Variants in TLR6 observed in about 807,000 individuals in gnomAD.
TLR6 encodes the protein toll-like receptor 6.
Under a neutral mutation model 16.1 loss-of-function variants are expected in TLR6, and 9 were observed. That is an observed-to-expected ratio of 0.56 (90% CI 0.34 to 0.98). TLR6 has a LOEUF of 0.98. Ranked by LOEUF, TLR6 falls within the 50% of genes least tolerant of loss-of-function variation. The pLI, the probability that TLR6 is intolerant of heterozygous loss-of-function variation, is 0.02. For missense variants in TLR6, 786 were observed against 921.0 expected (o/e 0.85, Z 1.90); for synonymous variants, 340 against 338.6 (o/e 1.00, Z -0.04).
chr4:38,843,166 A>G (rs181784609), intron 1 of TLR6, among the ~76,000 whole-genome samples: 1 of 152,332 alleles, frequency 6.6e-6, no homozygotes, highest in East Asian at 1.9e-4. Context: ...CAAGAAAAGA[A>G]TACTTGACTG....
intron 1 of TLR6, among the ~76,000 whole-genome samples, chr4:38,838,731 A>G (rs1307660924): frequency 6.6e-6 from 1 of 152,134 alleles, no homozygotes; most frequent in Non-Finnish European, 1.5e-5. Context: ...CAGCTAGAAG[A>G]GAAGATCTGA....
chr4:38,828,470 A>G, exon 2 of TLR6: 2 of 1,614,180 alleles, frequency 1.2e-6, no homozygotes, highest in Non-Finnish European at 1.7e-6. Flanking sequence ...AATGGTTAAC[A>G]TCATAATGTT....
upstream of TLR6, among the ~76,000 whole-genome samples, chr4:38,860,084 A>G (rs1713162826): frequency 7.0e-6 from 1 of 143,124 alleles, no homozygotes; most frequent in African/African-American, 2.9e-5. Context: ...ATAATAAATA[A>G]ATAAATAAAT....
chr4:38,866,432 G>T, the TLR6 span, among the ~76,000 whole-genome samples: 3 of 151,890 alleles, frequency 2.0e-5, no homozygotes, highest in Non-Finnish European at 4.4e-5. Context: ...AGCAGAGGCT[G>T]CAGTGAGCTG....
At chr4:38,831,249 A>T (rs1044389656) in intron 1 of TLR6, among the ~76,000 whole-genome samples, 1 of 151,598 alleles carries the variant, frequency 6.6e-6, no homozygotes, top group Non-Finnish European at 1.5e-5. Flanking sequence ...GAGAATGGAT[A>T]GTCTTTTCAA....
chr4:38,858,541 G>A (rs184766761), upstream of TLR6, among the ~76,000 whole-genome samples: 278 of 152,010 alleles, frequency 1.8e-3, 2 homozygotes, highest in Middle Eastern at 0.017. Context: ...CTAACATGGC[G>A]AAACCCTGTC....
intron 1 of TLR6, among the ~76,000 whole-genome samples, chr4:38,831,586 C>G (rs5743788): frequency 0.56 from 85,347 of 151,944 alleles, 24,561 homozygotes; most frequent in East Asian, 0.73. Context: ...ACCACAGACT[C>G]AGAGAAGATA....
At chr4:38,865,517 C>T in the TLR6 span, among the ~76,000 whole-genome samples, 1 of 152,144 alleles carries the variant, frequency 6.6e-6, no homozygotes, top group East Asian at 1.9e-4. Context: ...GCTGTTACGG[C>T]ACAGCAGGGA....
intron 1 of TLR6, among the ~76,000 whole-genome samples, chr4:38,848,468 G>A (rs768618455): frequency 2.3e-4 from 35 of 152,312 alleles, no homozygotes; most frequent in Admixed American, 4.6e-4. Context: ...GGCTTCAGAC[G>A]ATCAAACTTC....
the TLR6 span, among the ~76,000 whole-genome samples, chr4:38,863,420 C>T: frequency 1.3e-5 from 2 of 152,104 alleles, no homozygotes; most frequent in African/African-American, 4.8e-5. Context: ...AGGATGAAGT[C>T]CCAGACTTCC....
intron 1 of TLR6, among the ~76,000 whole-genome samples, chr4:38,852,983 A>G (rs555596154): frequency 6.6e-6 from 1 of 152,000 alleles, no homozygotes; most frequent in Non-Finnish European, 1.5e-5. Context: ...AACCAACCCA[A>G]ATGTCCATCA....
the TLR6 span, among the ~76,000 whole-genome samples, chr4:38,865,899 G>A: frequency 6.6e-6 from 1 of 152,250 alleles, no homozygotes; most frequent in South Asian, 2.1e-4. Flanking sequence ...AACACTTTGG[G>A]AGGCCGAGGT....
rs78893527 is a variant in TLR6, at chr4:38,832,792, C to G, written c.-64-3255G>C. Reference sequence around the variant, plus strand: ...TCTAGCCCATGCAATGCCCCGCATCCCAGGAAACAGGAAGCACAGTGCACC... The same window carrying G: ...TCTAGCCCATGCAATGCCCCGCATCGCAGGAAACAGGAAGCACAGTGCACC... On this transcript the variant is annotated intron_variant, in intron 1 of 1. Coordinates refer to ENST00000436693, the Ensembl canonical transcript of TLR6. Among the ~76,000 whole-genome samples the G allele has an allele frequency of 4.3e-3, 662 of 152,242 alleles. 35 individuals carry two copies. The East Asian group carries it at 0.094, about 22-fold the overall frequency.
At chr4:38,868,058 A>AGT in the TLR6 span, 372 of 410,144 alleles carry the variant, frequency 9.1e-4, no homozygotes, top group Non-Finnish European at 1.1e-3. Flanking sequence ...CGGGCGTGTG[A>AGT]GTGTGTGTGT....
chr4:38,856,500 A>T (rs972736052), intron 1 of TLR6, among the ~76,000 whole-genome samples: 7 of 152,224 alleles, frequency 4.6e-5, no homozygotes, highest in African/African-American at 1.4e-4. Context: ...AATAAATAAC[A>T]TTAGTTTTGT....
intron 1 of TLR6, among the ~76,000 whole-genome samples, chr4:38,846,189 T>G (rs1712524056): frequency 1.3e-5 from 2 of 151,552 alleles, no homozygotes; most frequent in Non-Finnish European, 2.9e-5. Flanking sequence ...ACAAGCACTC[T>G]CACAAGAAGG....
chr4:38,856,272 A>C (rs1712983734), intron 1 of TLR6, among the ~76,000 whole-genome samples: 1 of 152,230 alleles, frequency 6.6e-6, no homozygotes, highest in Non-Finnish European at 1.5e-5. Context: ...GACTGACATA[A>C]TTCCTGCTTT....
the TLR6 span, chr4:38,867,745 C>T: frequency 6.6e-6 from 1 of 151,242 alleles, no homozygotes; most frequent in East Asian, 1.9e-4. Context: ...TCTCCAGCCG[C>T]CCGCCCTCCG....
upstream of TLR6, among the ~76,000 whole-genome samples, chr4:38,861,006 C>T (rs549501814): frequency 6.6e-6 from 1 of 152,240 alleles, no homozygotes; most frequent in Admixed American, 6.5e-5. Context: ...GAGACCTACA[C>T]GCTGGCCTGA....
Sources: gnomAD v4.1 joint callset for allele counts (sites outside exome capture counted in the v4.1 genomes callset) on GRCh38, gnomAD v4.1.1 for gene constraint, MANE v1.5 for transcripts, NCBI Gene and HGNC (gene_info 2026-07-23, HGNC 2026-07-21) for gene names.